TRIM67: variants seen among roughly 807,000 people sequenced by gnomAD.
TRIM67 encodes the protein tripartite motif containing 67, also known as tripartite motif-containing protein 67.
A neutral mutation model predicts 71.0 loss-of-function variants in TRIM67; 39 were observed. The observed-to-expected ratio is 0.55, with a 90% CI of 0.43 to 0.72. The LOEUF is 0.72. Among genes scored for constraint, TRIM67 ranks in the 30% least tolerant of loss-of-function variants. The pLI is 0.00. For missense variants in TRIM67, 973 were observed against 1,079.2 expected (o/e 0.90, Z 1.38); for synonymous variants, 481 against 473.9 (o/e 1.01, Z -0.19).
At chr1:231,185,690 C>T (rs191872048) in intron 1 of TRIM67, among the ~76,000 whole-genome samples, 5 of 151,990 alleles carry the variant, frequency 3.3e-5, no homozygotes, top group Non-Finnish European at 5.9e-5. Flanking sequence ...AGGCTCTGTA[C>T]TAGGGACACA....
chr1:231,177,726 T>C (rs1682792861), intron 1 of TRIM67, among the ~76,000 whole-genome samples: 1 of 152,218 alleles, frequency 6.6e-6, no homozygotes, highest in Admixed American at 6.5e-5. Flanking sequence ...TAACAGAAAC[T>C]TACAGGATCT....
chr1:231,166,585 C>T (rs1682472238), intron 1 of TRIM67, among the ~76,000 whole-genome samples: 1 of 152,146 alleles, frequency 6.6e-6, no homozygotes, highest in African/African-American at 2.4e-5. Flanking sequence ...CTTGACAAGG[C>T]CTCATTGCAT....
intron 1 of TRIM67, 46 bp downstream of exon 1, chr1:231,164,059 C>A (rs555351060): frequency 7.0e-7 from 1 of 1,432,072 alleles, no homozygotes. Context: ...GAAGAGGGTA[C>A]GAGGAGAAAG....
At chr1:231,166,188 A>C (rs1235113877) in intron 1 of TRIM67, among the ~76,000 whole-genome samples, 1 of 151,930 alleles carries the variant, frequency 6.6e-6, no homozygotes, top group Non-Finnish European at 1.5e-5. Flanking sequence ...GCAGGATCTC[A>C]ATTTTGTGAC....
chr1:231,162,876 C>A lies in TRIM67; in HGVS notation c.-94C>A. The A allele has an allele frequency of 6.6e-7, 1 of 1,504,376 alleles. No individual in the cohort carries two copies. Among genetic ancestry groups the A allele is most frequent in the Non-Finnish European group, 8.9e-7 (1 of 1,127,770 alleles). 93.2% of individuals were successfully genotyped at this position (1,504,376 alleles called of 1,614,324 possible). A position where few individuals can be genotyped will look rare whatever the true frequency, so the allele number is the denominator to read the frequency against. On this transcript the variant is annotated 5_prime_UTR_variant, in exon 1 of 10. The change creates a premature stop within an existing upstream ORF in the 5' untranslated region. Transcript: ENST00000366653. ...CGTGTGATGCCCCCGCCCGTCGTCT[C>A]ACCGGGGCGCACCGCGCTGGTCCTC...
intron 8 of TRIM67, among the ~76,000 whole-genome samples, chr1:231,212,591 T>C (rs998767830): frequency 6.6e-6 from 1 of 152,038 alleles, no homozygotes; most frequent in Non-Finnish European, 1.5e-5. Context: ...AGTAAAAAGG[T>C]TAGGCGTTTC....
At chr1:231,202,671 G>A (rs1362450602) in intron 5 of TRIM67, among the ~76,000 whole-genome samples, 1 of 152,124 alleles carries the variant, frequency 6.6e-6, no homozygotes, top group East Asian at 1.9e-4. Context: ...TGCATAATTT[G>A]TGGCCATTTT....
At chr1:231,197,847 AAGAAGGAGAAGG>A (rs200053870) in intron 2 of TRIM67, among the ~76,000 whole-genome samples, 4 of 151,610 alleles carry the variant, frequency 2.6e-5, no homozygotes, top group Non-Finnish European at 5.9e-5. Flanking sequence ...GAAGAAGAAG[AAGAAGGAGAAGG>A]AGAAGGAGAA....
chr1:231,185,593 G>C (rs1683048766), intron 1 of TRIM67, among the ~76,000 whole-genome samples: 1 of 151,846 alleles, frequency 6.6e-6, no homozygotes, highest in African/African-American at 2.4e-5. Context: ...GGGGAGCCCA[G>C]ACGCGTCCTG....
At chr1:231,168,233 C>T (rs1216061024) in intron 1 of TRIM67, among the ~76,000 whole-genome samples, 3 of 152,224 alleles carry the variant, frequency 2.0e-5, no homozygotes, top group Non-Finnish European at 4.4e-5. Flanking sequence ...CCTCCCAAAG[C>T]CTGGGATCAC....
intron 1 of TRIM67, among the ~76,000 whole-genome samples, chr1:231,173,073 T>G (rs1203520743): frequency 6.6e-6 from 1 of 152,242 alleles, no homozygotes; most frequent in Non-Finnish European, 1.5e-5. Context: ...TGAGGACATC[T>G]TGAATGCCTA....
At chr1:231,179,896 G>A (rs560579729) in intron 1 of TRIM67, among the ~76,000 whole-genome samples, 4 of 152,324 alleles carry the variant, frequency 2.6e-5, no homozygotes, top group East Asian at 1.9e-4. Flanking sequence ...AGGGCACTGG[G>A]TAGGGTCCTG....
At chr1:231,174,821 AC>A (rs1410577805) in intron 1 of TRIM67, among the ~76,000 whole-genome samples, 2 of 152,140 alleles carry the variant, frequency 1.3e-5, no homozygotes, top group African/African-American at 2.4e-5. Flanking sequence ...AAATTTATAA[AC>A]CCTTGCAAAC....
At position 231,219,814 on chromosome 1, in the gene TRIM67, T is replaced by C; in HGVS notation, c.*4374T>C. 7.8e-7 allele frequency: 1 copy of C among 1,278,224 alleles called. No individual in the cohort carries two copies. Among genetic ancestry groups the C allele is most frequent in the South Asian group, 1.3e-5 (1 of 79,454 alleles). The allele number at this position is 1,278,224 out of a possible 1,614,324, so 79.2% of individuals were successfully genotyped here. A position where few individuals can be genotyped will look rare whatever the true frequency, so the allele number is the denominator to read the frequency against. ...GTAGCTGTGTTTGTTGACCACATTC[T>C]TTGGCAGTTCCTCCCAGAAGATCAA... On this transcript the variant is annotated 3_prime_UTR_variant, in exon 10 of 10. Coordinates refer to ENST00000366653, the MANE Select transcript of TRIM67 (RefSeq NM_001004342.5).
chr1:231,192,202 GTCTC>G (rs71774946), intron 1 of TRIM67, among the ~76,000 whole-genome samples: 2 of 149,962 alleles, frequency 1.3e-5, no homozygotes, highest in Admixed American at 6.6e-5. Flanking sequence ...CACTCTCCCT[GTCTC>G]TCTCTCTCTC....
At position 231,201,518 on chromosome 1, in the gene TRIM67, G is replaced by C; in HGVS notation, c.1534+1G>C. 6.2e-7 allele frequency: 1 copy of C among 1,613,314 alleles called. No individual in the cohort carries two copies. Among genetic ancestry groups the C allele is most frequent in the South Asian group, 1.1e-5 (1 of 90,888 alleles). Reference sequence around the variant, plus strand: ...GACTTCATTCAGATGAAATGTAGGGGTGAGCCGCGGTTGGCCCCAGTTCAG... The same window carrying C: ...GACTTCATTCAGATGAAATGTAGGGCTGAGCCGCGGTTGGCCCCAGTTCAG... On this transcript the variant is annotated splice_donor_variant, in intron 5 of 9. Coordinates refer to ENST00000366653, the MANE Select transcript of TRIM67 (RefSeq NM_001004342.5). LOFTEE classifies it high-confidence loss of function.
At chr1:231,206,119 T>C (rs1683687997) in intron 6 of TRIM67, among the ~76,000 whole-genome samples, 1 of 152,088 alleles carries the variant, frequency 6.6e-6, no homozygotes, top group Admixed American at 6.6e-5. Context: ...AACTTCTATT[T>C]GGTAAGAATT....
At chr1:231,213,141 G>A (rs111955242) in intron 8 of TRIM67, among the ~76,000 whole-genome samples, 27 of 152,256 alleles carry the variant, frequency 1.8e-4, no homozygotes, top group Admixed American at 4.6e-4. Flanking sequence ...AGAAAAGGGC[G>A]CCAAGTCAGT....
chr1:231,173,935 G>A (rs1682676235), intron 1 of TRIM67, among the ~76,000 whole-genome samples: 1 of 151,990 alleles, frequency 6.6e-6, no homozygotes, highest in Non-Finnish European at 1.5e-5. Context: ...TATCCTGCTG[G>A]GGGTTCTCTG....
Sources: allele counts gnomAD v4.1 joint callset (sites outside exome capture counted in the v4.1 genomes callset), GRCh38; gene constraint gnomAD v4.1.1; transcripts MANE v1.5; gene names NCBI Gene and HGNC (gene_info 2026-07-23, HGNC 2026-07-21).